Variants in ATXN7L1 observed in about 807,000 individuals in gnomAD.
ATXN7L1 encodes the protein ataxin 7 like 1.
A neutral mutation model predicts 70.8 loss-of-function variants in ATXN7L1; 15 were observed. The observed-to-expected ratio is 0.21, with a 90% confidence interval of 0.14 to 0.33. The LOEUF is 0.33. ATXN7L1 is among the 10% of genes least tolerant of loss of function. The probability of loss-of-function intolerance (pLI) is 1.00; values close to 1 mark genes in which losing one functional copy is unlikely to be tolerated. For synonymous variants in ATXN7L1, 440 were observed against 445.1 expected, an observed-to-expected ratio of 0.99 and a Z score of 0.14; for missense variants, 975 against 1,097.1, an observed-to-expected ratio of 0.89 and a Z score of 1.57.
intron 2 of ATXN7L1, among the ~76,000 whole-genome samples, chr7:105,852,890 G>A (rs1274286099): frequency 6.6e-6 from 1 of 152,020 alleles, no homozygotes; most frequent in African/African-American, 2.4e-5. Context: ...GGAAATTCTG[G>A]TACATGCTAC....
At chr7:105,864,702 C>T (rs1264570495) in intron 2 of ATXN7L1, among the ~76,000 whole-genome samples, 2 of 151,456 alleles carry the variant, frequency 1.3e-5, no homozygotes, top group Admixed American at 6.6e-5. Flanking sequence ...GGTGCAATCT[C>T]GGCTCACTGC....
intron 3 of ATXN7L1, 108 bp from the exon 4 acceptor site, chr7:105,665,396 T>C: frequency 1.2e-6 from 1 of 864,466 alleles, no homozygotes; most frequent in Non-Finnish European, 1.8e-6. Context: ...GCGCTTTCCC[T>C]ACAGCACTGG....
chr7:105,625,262 T>C (rs902996629), intron 7 of ATXN7L1, among the ~76,000 whole-genome samples: 9 of 152,200 alleles, frequency 5.9e-5, no homozygotes, highest in African/African-American at 1.7e-4. Context: ...TATTTATTTG[T>C]TTGTTTACGA....
At chr7:105,642,409 C>T (rs371084487) in intron 5 of ATXN7L1, among the ~76,000 whole-genome samples, 2 of 152,218 alleles carry the variant, frequency 1.3e-5, no homozygotes, top group Admixed American at 6.5e-5. Context: ...CAGCTGTTGG[C>T]GGGGCTGTCC....
At chr7:105,678,397 C>T (rs995684480) in intron 3 of ATXN7L1, among the ~76,000 whole-genome samples, 3 of 152,148 alleles carry the variant, frequency 2.0e-5, no homozygotes, top group Admixed American at 1.3e-4. Flanking sequence ...CAGCCAGACA[C>T]GCTGCCCAGC....
rs546750580 is a variant in ATXN7L1 at position 105,682,787 on chromosome 7, G to A, written c.356-17499C>T. On this transcript the variant is annotated intron_variant, in intron 3 of 11. Transcript: ENST00000419735. ...GTGATTAGCAGGGGCTGTATGTGGT[G>A]GGGGAGGGGGAATAACTGCTTAATG... 4.6e-5 allele frequency among the ~76,000 whole-genome samples: 7 copies of A among 152,300 alleles called. No homozygotes were observed. The East Asian group carries it at 1.3e-3, about 29-fold the overall frequency.
At chr7:105,803,272 A>G (rs1807085389) in intron 2 of ATXN7L1, among the ~76,000 whole-genome samples, 1 of 152,218 alleles carries the variant, frequency 6.6e-6, no homozygotes, top group Admixed American at 6.5e-5. Flanking sequence ...ATGCATCCAC[A>G]CCACAGGGCT....
chr7:105,664,575 G>GTGTGTATGTGTATATATATATATA, intron 4 of ATXN7L1, among the ~76,000 whole-genome samples: 1 of 131,988 alleles, frequency 7.6e-6, no homozygotes, highest in African/African-American at 2.8e-5. Context: ...GTATGTGTGT[G>GTGTGTATGTGTATATATATATATA]TATATATATA....
chr7:105,658,216 CAA>C (rs11317370), intron 4 of ATXN7L1, among the ~76,000 whole-genome samples: 35 of 142,250 alleles, frequency 2.5e-4, no homozygotes, highest in Middle Eastern at 3.7e-3. Flanking sequence ...TACCCCATCT[CAA>C]AAAAAAAAAA....
chr7:105,757,879 C>T (rs1800004645), intron 3 of ATXN7L1, among the ~76,000 whole-genome samples: 1 of 151,980 alleles, frequency 6.6e-6, no homozygotes, highest in African/African-American at 2.4e-5. Flanking sequence ...TGTGAGCTAC[C>T]ATGCCTGGCT....
chr7:105,629,181 A>G (rs1796207616), intron 7 of ATXN7L1, among the ~76,000 whole-genome samples: 1 of 152,126 alleles, frequency 6.6e-6, no homozygotes, highest in South Asian at 2.1e-4. Flanking sequence ...TACATAATAC[A>G]GTATTATTAA....
At chr7:105,617,437 T>C (rs979890947) in intron 9 of ATXN7L1, among the ~76,000 whole-genome samples, 3 of 152,234 alleles carry the variant, frequency 2.0e-5, no homozygotes, top group African/African-American at 7.2e-5. Context: ...TTAACCTGGC[T>C]GACACTCAGG....
chr7:105,692,981 G>A (rs1791213523), intron 3 of ATXN7L1, among the ~76,000 whole-genome samples: 1 of 151,932 alleles, frequency 6.6e-6, no homozygotes, highest in South Asian at 2.1e-4. Context: ...GCCTTCCAAA[G>A]CACTGGGATT....
At position 105,639,272 on chromosome 7, in the gene ATXN7L1, GTTT is replaced by G. The variant is rs11357544; in HGVS notation, c.945+212_945+214del. Among the ~76,000 whole-genome samples the G allele has an allele frequency of 5.5e-5, 7 of 128,066 alleles. No individual in the cohort carries two copies. The South Asian group carries it at 7.3e-4, about 13-fold the overall frequency. 84.0% of individuals were successfully genotyped at this position (128,066 alleles called of 152,430 possible). A position where few individuals can be genotyped will look rare whatever the true frequency, so the allele number is the denominator to read the frequency against. ...CCTCACAAGTAACAGGGGAAGCCTAGTTTTTTTTTTTTTTTTTTTCTCCTTCTT... is the reference window on the plus strand; with the variant it reads ...CCTCACAAGTAACAGGGGAAGCCTAGTTTTTTTTTTTTTTTTCTCCTTCTT... On this transcript the variant is annotated intron_variant, in intron 6 of 11. Coordinates refer to ENST00000419735, the MANE Select transcript of ATXN7L1 (RefSeq NM_020725.2).
intron 7 of ATXN7L1, among the ~76,000 whole-genome samples, chr7:105,637,035 A>T (rs1004862665): frequency 6.6e-6 from 1 of 152,248 alleles, no homozygotes; most frequent in Non-Finnish European, 1.5e-5. Flanking sequence ...GACAGTGAGA[A>T]GTCATTATAA....
At chr7:105,834,161 G>T (rs1285783978) in intron 2 of ATXN7L1, among the ~76,000 whole-genome samples, 1 of 152,180 alleles carries the variant, frequency 6.6e-6, no homozygotes, top group Non-Finnish European at 1.5e-5. Context: ...TCCTGCCTCA[G>T]CCTCCCAAGT....
chr7:105,767,750 T>G (rs952787307), intron 3 of ATXN7L1, among the ~76,000 whole-genome samples: 2 of 152,194 alleles, frequency 1.3e-5, no homozygotes, highest in African/African-American at 2.4e-5. Context: ...CCAGATAGCT[T>G]GGCTCCAGGG....
intron 2 of ATXN7L1, among the ~76,000 whole-genome samples, chr7:105,834,619 A>G (rs748160780): frequency 3.3e-5 from 5 of 152,178 alleles, no homozygotes; most frequent in African/African-American, 4.8e-5. Flanking sequence ...GAAGGGTGCT[A>G]TTCTGATGGG....
At chr7:105,657,654 A>G (rs1023775169) in intron 4 of ATXN7L1, among the ~76,000 whole-genome samples, 3 of 136,192 alleles carry the variant, frequency 2.2e-5, no homozygotes, top group African/African-American at 8.4e-5. Context: ...CTGAGATTGC[A>G]CCACTGTACT....
Sources: allele counts gnomAD v4.1 joint callset (sites outside exome capture counted in the v4.1 genomes callset), GRCh38; gene constraint gnomAD v4.1.1; transcripts MANE v1.5; gene names NCBI Gene and HGNC (gene_info 2026-07-23, HGNC 2026-07-21).